The following RAD51B variants were observed in gnomAD, a reference collection of about 807,000 sequenced individuals.
RAD51B encodes the protein DNA repair protein RAD51 homolog 2.
RAD51B carries 38 observed loss-of-function variants against 42.2 expected under a neutral mutation model. The observed-to-expected ratio is 0.90, with a 90% CI of 0.70 to 1.18. The LOEUF (loss-of-function observed/expected upper bound fraction) is 1.18, where lower values mean the gene tolerates loss of function less well. Among genes scored for constraint, RAD51B ranks in the 50% most tolerant of loss-of-function variants. The pLI is 0.00. For synonymous variants in RAD51B, 154 were observed against 145.2 expected, an observed-to-expected ratio of 1.06 and a Z score of -0.43; for missense variants, 373 against 400.7, an observed-to-expected ratio of 0.93 and a Z score of 0.59.
intron 10 of RAD51B, among the ~76,000 whole-genome samples, chr14:68,560,389 T>C (rs1422640184): frequency 6.6e-6 from 1 of 152,214 alleles, no homozygotes; most frequent in Non-Finnish European, 1.5e-5. Flanking sequence ...GGGAGGTCTT[T>C]TATTAATGAG....
At chr14:68,618,327 G>T (rs551085834) in intron 10 of RAD51B, among the ~76,000 whole-genome samples, 4 of 152,222 alleles carry the variant, frequency 2.6e-5, no homozygotes, top group African/African-American at 9.6e-5. Context: ...AGACAGAAAG[G>T]ATGTTTATTC....
intron 10 of RAD51B, chr14:68,498,007 C>A: frequency 5.6e-6 from 1 of 177,016 alleles, no homozygotes; most frequent in Non-Finnish European, 1.2e-5. Context: ...AACCTATTTT[C>A]AATTTTTTAA....
At chr14:67,836,605 AG>A (rs1265069681) in intron 4 of RAD51B, among the ~76,000 whole-genome samples, 3 of 151,408 alleles carry the variant, frequency 2.0e-5, no homozygotes, top group Non-Finnish European at 4.4e-5. Flanking sequence ...CTGGGATTGC[AG>A]GCATGTATCA....
chr14:68,199,215 T>G (rs778120924), intron 7 of RAD51B, among the ~76,000 whole-genome samples: 7 of 152,232 alleles, frequency 4.6e-5, no homozygotes, highest in Non-Finnish European at 8.8e-5. Context: ...ACTCCAACTG[T>G]GTCCAGACCA....
chr14:68,588,507 G>C (rs917423704), intron 10 of RAD51B, among the ~76,000 whole-genome samples: 1 of 152,216 alleles, frequency 6.6e-6, no homozygotes, highest in African/African-American at 2.4e-5. Flanking sequence ...AAGATCCAGA[G>C]TGCCCCCAGA....
At position 68,218,108 on chromosome 14, in the gene RAD51B, G is replaced by A. The variant is rs558373034; in HGVS notation, c.757-73776G>A. 2.6e-5 allele frequency among the ~76,000 whole-genome samples: 4 copies of A among 152,300 alleles called. No homozygotes were observed. In the East Asian group the frequency reaches 5.8e-4, roughly 22 times the overall value. On this transcript the variant is annotated intron_variant, in intron 7 of 10. Coordinates refer to ENST00000471583, the MANE Select transcript of RAD51B (RefSeq NM_133510.4). Reference sequence around the variant, plus strand: ...TGAAAACAAGAAATTAGAGTATGTGGAAACTATGCTACTAAAATTAAGCAG... The same window carrying A: ...TGAAAACAAGAAATTAGAGTATGTGAAAACTATGCTACTAAAATTAAGCAG...
intron 7 of RAD51B, among the ~76,000 whole-genome samples, chr14:68,005,688 A>G (rs543442714): frequency 6.6e-6 from 1 of 152,312 alleles, no homozygotes; most frequent in South Asian, 2.1e-4. Context: ...TAAGCACATT[A>G]AACACTTTTT....
At position 68,499,491 on chromosome 14, in the gene RAD51B, T is replaced by C. The variant is rs142504660; in HGVS notation, c.1036+31241T>C. Among the ~76,000 whole-genome samples, 46 of 152,284 alleles carry C rather than the reference T, an allele frequency of 3.0e-4. No homozygotes were observed. The East Asian group carries it at 8.3e-3, about 27-fold the overall frequency. On this transcript the variant is annotated intron_variant, in intron 10 of 10. Coordinates refer to the RAD51B transcript ENST00000487270. ...AATCCAATGTGATATTTTGCAGGGT[T>C]AGTGGATGCAGTAGGTTAAATGGTG...
At chr14:68,252,115 A>T (rs1384207796) in intron 7 of RAD51B, among the ~76,000 whole-genome samples, 1 of 152,176 alleles carries the variant, frequency 6.6e-6, no homozygotes, top group Non-Finnish European at 1.5e-5. Flanking sequence ...TCCTCTTTTA[A>T]TCCTACAGCC....
At chr14:68,562,298 G>A (rs183769666) in intron 10 of RAD51B, 52 of 985,406 alleles carry the variant, frequency 5.3e-5, no homozygotes, top group Middle Eastern at 5.2e-4. Context: ...ACTTTTGAAC[G>A]CCAAACCTCT....
At chr14:68,174,682 C>T (rs1346931699) in intron 7 of RAD51B, among the ~76,000 whole-genome samples, 2 of 152,284 alleles carry the variant, frequency 1.3e-5, no homozygotes, top group African/African-American at 4.8e-5. Context: ...CTAAAATTCT[C>T]TGCTTCTAAT....
chr14:68,154,044 A>G lies in RAD51B; in HGVS notation c.757-137840A>G, dbSNP rs980120980. Among the ~76,000 whole-genome samples the G allele has an allele frequency of 5.3e-5, 8 of 152,340 alleles. No homozygotes were observed. In the East Asian group the frequency reaches 1.5e-3, roughly 29 times the overall value. On this transcript the variant is annotated intron_variant, in intron 7 of 10. Coordinates refer to ENST00000471583, the MANE Select transcript of RAD51B (RefSeq NM_133510.4). The stretch of plus-strand genomic sequence containing the variant: ...AAGCACCTTGTCTGCTAACTCTAGT[A>G]TCTGTGTCAGTTCTGAGTTAATTTC...
chr14:68,083,752 A>AT (rs1237683534), intron 7 of RAD51B, among the ~76,000 whole-genome samples: 5 of 152,072 alleles, frequency 3.3e-5, no homozygotes, highest in Non-Finnish European at 5.9e-5. Context: ...GGTTTTTGGC[A>AT]TTTTTTTTGT....
chr14:67,952,409 T>C (rs768365613), intron 7 of RAD51B, among the ~76,000 whole-genome samples: 1 of 152,048 alleles, frequency 6.6e-6, no homozygotes, highest in Non-Finnish European at 1.5e-5. Flanking sequence ...TGGGAAGAAG[T>C]GATATTAAAC....
chr14:68,539,328 A>G (rs1887824217), intron 10 of RAD51B, among the ~76,000 whole-genome samples: 1 of 152,220 alleles, frequency 6.6e-6, no homozygotes, highest in East Asian at 1.9e-4. Context: ...TCATGGCCCC[A>G]TGCTTCTTCC....
chr14:67,982,950 A>G (rs1220584448), intron 7 of RAD51B, among the ~76,000 whole-genome samples: 3 of 152,132 alleles, frequency 2.0e-5, no homozygotes, highest in African/African-American at 7.2e-5. Context: ...CTGTAGTCTC[A>G]GCACTTTGGA....
chr14:68,315,753 A>G (rs2082047105), intron 8 of RAD51B, among the ~76,000 whole-genome samples: 1 of 152,146 alleles, frequency 6.6e-6, no homozygotes, highest in Non-Finnish European at 1.5e-5. Context: ...CCATCTCCTG[A>G]CCTCATGATC....
intron 8 of RAD51B, among the ~76,000 whole-genome samples, chr14:68,351,987 G>C (rs1431340225): frequency 6.6e-6 from 1 of 152,078 alleles, no homozygotes; most frequent in Non-Finnish European, 1.5e-5. Context: ...GAAAAGAAGG[G>C]AATATGTTTA....
At chr14:67,909,533 G>A (rs947340751) in intron 7 of RAD51B, among the ~76,000 whole-genome samples, 19 of 152,252 alleles carry the variant, frequency 1.2e-4, no homozygotes, top group African/African-American at 4.6e-4. Flanking sequence ...TTTGTTTGTA[G>A]TATCAGTAAA....
Sources: allele counts gnomAD v4.1 joint callset (sites outside exome capture counted in the v4.1 genomes callset), GRCh38; gene constraint gnomAD v4.1.1; transcripts MANE v1.5; gene names NCBI Gene and HGNC (gene_info 2026-07-23, HGNC 2026-07-21).